KIAA0825: variants seen among roughly 807,000 people sequenced by gnomAD.
The protein encoded by KIAA0825 is KIAA0825, also known as uncharacterized protein KIAA0825.
In KIAA0825, 119 loss-of-function variants were observed where a neutral mutation model predicts 147.6. The ratio of observed to expected loss-of-function variants is 0.81; its 90% confidence interval spans 0.69 to 0.94. The LOEUF (loss-of-function observed/expected upper bound fraction) is 0.94, where lower values mean the gene tolerates loss of function less well. Ranked by LOEUF, KIAA0825 falls within the 40% of genes least tolerant of loss-of-function variation. The pLI is 0.00. For missense variants in KIAA0825, 1,381 were observed against 1,472.7 expected (o/e 0.94, Z 1.02); for synonymous variants, 470 against 518.1 (o/e 0.91, Z 1.26).
intron 14 of KIAA0825, among the ~76,000 whole-genome samples, chr5:94,424,585 C>T (rs1754605895): frequency 6.6e-6 from 1 of 151,852 alleles, no homozygotes. Flanking sequence ...TTCAAATAAG[C>T]AACTCAATGA....
At chr5:94,479,523 A>G (rs192974783) in intron 6 of KIAA0825, among the ~76,000 whole-genome samples, 35 of 152,276 alleles carry the variant, frequency 2.3e-4, no homozygotes, top group Non-Finnish European at 1.5e-4. Flanking sequence ...AGCTGCTTCC[A>G]AGTTTTGGCA....
At chr5:94,177,836 G>A (rs1465063680) in intron 20 of KIAA0825, among the ~76,000 whole-genome samples, 1 of 151,978 alleles carries the variant, frequency 6.6e-6, no homozygotes. Flanking sequence ...TTCCTACTAT[G>A]AGTCAGCCAA....
intron 20 of KIAA0825, among the ~76,000 whole-genome samples, chr5:94,242,602 TCTTC>T (rs575664377): frequency 1.3e-4 from 20 of 151,422 alleles, no homozygotes; most frequent in African/African-American, 3.6e-4. Flanking sequence ...TTCTTTCCTT[TCTTC>T]CTTCCTTCCT....
intron 20 of KIAA0825, among the ~76,000 whole-genome samples, chr5:94,342,580 C>T (rs1254500242): frequency 6.6e-6 from 1 of 152,010 alleles, no homozygotes; most frequent in Non-Finnish European, 1.5e-5. Flanking sequence ...TGTAATCTCT[C>T]CATATACCAT....
chr5:94,595,442 CA>C, intron 1 of KIAA0825, among the ~76,000 whole-genome samples: 1 of 152,176 alleles, frequency 6.6e-6, no homozygotes. Context: ...TACAGGGCAC[CA>C]AGTCCCTAGA....
At chr5:94,309,210 T>C (rs1262541486) in intron 20 of KIAA0825, among the ~76,000 whole-genome samples, 1 of 151,790 alleles carries the variant, frequency 6.6e-6, no homozygotes, top group Non-Finnish European at 1.5e-5. Context: ...GCATAAGACA[T>C]AGTTTTGCCC....
rs891006483 is a variant in KIAA0825, at chr5:94,151,959, G to A, written c.*2048C>T. On this transcript the variant is annotated 3_prime_UTR_variant, in exon 21 of 21. Coordinates refer to ENST00000682413, the MANE Select transcript of KIAA0825 (RefSeq NM_001145678.3). ...CTGTTGCCTTATGTTGATTGTTATA[G>A]TAACCTGTTTAAAGATCAGATTAGA... Among the ~76,000 whole-genome samples the A allele has an allele frequency of 6.6e-6, 1 of 152,124 alleles. No homozygotes were observed. Among genetic ancestry groups the A allele is most frequent in the Non-Finnish European group, 1.5e-5 (1 of 68,020 alleles).
intron 20 of KIAA0825, among the ~76,000 whole-genome samples, chr5:94,274,142 A>G (rs192195683): frequency 4.8e-4 from 73 of 152,306 alleles, no homozygotes; most frequent in African/African-American, 1.6e-3. Context: ...CAGGGAACAT[A>G]AAGAAGAATG....
chr5:94,320,413 G>A (rs977526755), intron 20 of KIAA0825, among the ~76,000 whole-genome samples: 6 of 149,002 alleles, frequency 4.0e-5, no homozygotes, highest in African/African-American at 7.4e-5. Flanking sequence ...CTCTACCTTC[G>A]AACACTAGAA....
At chr5:94,304,817 T>C (rs1387847815) in intron 20 of KIAA0825, among the ~76,000 whole-genome samples, 3 of 152,070 alleles carry the variant, frequency 2.0e-5, no homozygotes, top group Non-Finnish European at 2.9e-5. Context: ...TCCAAGTTCA[T>C]AATTCTAGTT....
At chr5:94,272,885 C>A (rs1777055764) in intron 20 of KIAA0825, among the ~76,000 whole-genome samples, 1 of 152,168 alleles carries the variant, frequency 6.6e-6, no homozygotes, top group Admixed American at 6.5e-5. Flanking sequence ...GAACATAATT[C>A]ATAGGAAAAG....
intron 20 of KIAA0825, among the ~76,000 whole-genome samples, chr5:94,343,690 A>C (rs1262394814): frequency 1.3e-5 from 2 of 152,196 alleles, no homozygotes; most frequent in African/African-American, 2.4e-5. Flanking sequence ...CTGCATCTCC[A>C]AAAACAAAAA....
intron 20 of KIAA0825, among the ~76,000 whole-genome samples, chr5:94,308,769 G>C (rs1041621304): frequency 1.3e-5 from 2 of 151,716 alleles, no homozygotes; most frequent in African/African-American, 4.8e-5. Context: ...AATCTTAAGA[G>C]GTCTTTCAGT....
intron 20 of KIAA0825, among the ~76,000 whole-genome samples, chr5:94,361,845 C>T (rs1745106858): frequency 1.3e-5 from 2 of 152,190 alleles, no homozygotes; most frequent in African/African-American, 4.8e-5. Flanking sequence ...CATAAACACA[C>T]AGACTTGGAA....
chr5:94,527,686 C>T (rs1324881162), intron 3 of KIAA0825, among the ~76,000 whole-genome samples: 1 of 151,962 alleles, frequency 6.6e-6, no homozygotes, highest in Non-Finnish European at 1.5e-5. Flanking sequence ...CAAGTCTTTT[C>T]AATTGTTACA....
At chr5:94,274,136 G>C (rs1045285483) in intron 20 of KIAA0825, among the ~76,000 whole-genome samples, 1 of 152,100 alleles carries the variant, frequency 6.6e-6, no homozygotes, top group East Asian at 1.9e-4. Flanking sequence ...ATCATGCAGG[G>C]AACATAAAGA....
intron 1 of KIAA0825, among the ~76,000 whole-genome samples, chr5:94,604,970 C>CA (rs1309739734): frequency 1.3e-5 from 2 of 151,276 alleles, no homozygotes; most frequent in Admixed American, 6.6e-5. Flanking sequence ...AGCTGGATTT[C>CA]AAAAAAATTA....
intron 20 of KIAA0825, among the ~76,000 whole-genome samples, chr5:94,182,846 T>C (rs1033210806): frequency 6.6e-6 from 1 of 152,162 alleles, no homozygotes; most frequent in African/African-American, 2.4e-5. Context: ...AGTGAATTAT[T>C]TGGTGATTCT....
At chr5:94,585,067 T>G (rs1164385242) in intron 1 of KIAA0825, among the ~76,000 whole-genome samples, 5 of 152,244 alleles carry the variant, frequency 3.3e-5, no homozygotes, top group South Asian at 2.1e-4. Context: ...GAACAACTAG[T>G]ACCAGCCACT....
Sources: allele counts gnomAD v4.1 joint callset (sites outside exome capture counted in the v4.1 genomes callset), GRCh38; gene constraint gnomAD v4.1.1; transcripts MANE v1.5; gene names NCBI Gene and HGNC (gene_info 2026-07-23, HGNC 2026-07-21).